SH3GL2: variants seen among roughly 807,000 people sequenced by gnomAD.
The protein encoded by SH3GL2 is SH3 domain containing GRB2 like 2, endophilin A1.
In SH3GL2, 24 loss-of-function variants were observed where a neutral mutation model predicts 46.0. That is an observed-to-expected ratio of 0.52 (90% confidence interval 0.38 to 0.73). The LOEUF is 0.73. SH3GL2 is among the 30% of genes least tolerant of loss of function. The pLI, the probability that SH3GL2 is intolerant of heterozygous loss-of-function variation, is 0.00. For synonymous variants in SH3GL2, 196 were observed against 147.1 expected (o/e 1.33, Z -2.40); for missense variants, 413 against 424.2 (o/e 0.97, Z 0.23).
intron 1 of SH3GL2, among the ~76,000 whole-genome samples, chr9:17,710,878 G>A (rs10756902): frequency 0.21 from 31,850 of 151,722 alleles, 4,128 homozygotes; most frequent in East Asian, 0.35. Context: ...CTGAAACTGG[G>A]TATTACTGAA....
chr9:17,662,190 T>C (rs1455155058), intron 1 of SH3GL2, among the ~76,000 whole-genome samples: 1 of 152,210 alleles, frequency 6.6e-6, no homozygotes, highest in African/African-American at 2.4e-5. Context: ...TTCTGTATCT[T>C]TGCTAATTTT....
chr9:17,619,876 C>T (rs568909528), intron 1 of SH3GL2, among the ~76,000 whole-genome samples: 1 of 152,092 alleles, frequency 6.6e-6, no homozygotes, highest in Non-Finnish European at 1.5e-5. Flanking sequence ...TTCATATATA[C>T]TGTGAAATGT....
chr9:17,662,078 G>A (rs1018999970), intron 1 of SH3GL2, among the ~76,000 whole-genome samples: 3 of 152,156 alleles, frequency 2.0e-5, no homozygotes, highest in Non-Finnish European at 4.4e-5. Flanking sequence ...CCAATACAAA[G>A]TGTATCTTGC....
At chr9:17,633,554 ATTTCTT>A in intron 1 of SH3GL2, among the ~76,000 whole-genome samples, 1 of 152,326 alleles carries the variant, frequency 6.6e-6, no homozygotes, top group African/African-American at 2.4e-5. Context: ...ATTAAAAGCC[ATTTCTT>A]TTTCTTTTTT....
intron 1 of SH3GL2, among the ~76,000 whole-genome samples, chr9:17,737,972 C>T (rs1822391324): frequency 6.6e-6 from 1 of 152,128 alleles, no homozygotes; most frequent in Non-Finnish European, 1.5e-5. Flanking sequence ...GGAAGCTTTT[C>T]CCAGCCTACT....
chr9:17,661,862 C>A (rs1045884393), intron 1 of SH3GL2, among the ~76,000 whole-genome samples: 5 of 152,092 alleles, frequency 3.3e-5, no homozygotes, highest in Non-Finnish European at 5.9e-5. Flanking sequence ...CTTAATGAGC[C>A]TCACTTTCAT....
At chr9:17,628,793 A>G (rs1819352258) in intron 1 of SH3GL2, among the ~76,000 whole-genome samples, 1 of 152,104 alleles carries the variant, frequency 6.6e-6, no homozygotes, top group African/African-American at 2.4e-5. Context: ...GCCCTTTTAT[A>G]GATCTTCAGT....
At chr9:17,760,200 A>C (rs866173029) in intron 2 of SH3GL2, among the ~76,000 whole-genome samples, 1 of 152,226 alleles carries the variant, frequency 6.6e-6, no homozygotes, top group Non-Finnish European at 1.5e-5. Context: ...GGCACATTTG[A>C]AATTGCATCC....
At chr9:17,728,801 G>T (rs550697733) in intron 1 of SH3GL2, among the ~76,000 whole-genome samples, 6 of 152,218 alleles carry the variant, frequency 3.9e-5, no homozygotes, top group African/African-American at 1.4e-4. Flanking sequence ...CAAAGGACAT[G>T]AACTCATTAT....
intron 3 of SH3GL2, among the ~76,000 whole-genome samples, chr9:17,766,291 C>A (rs1823316169): frequency 6.6e-6 from 1 of 152,210 alleles, no homozygotes; most frequent in Non-Finnish European, 1.5e-5. Context: ...GCTGTAAAGT[C>A]ATCCAAGCTT....
chr9:17,675,475 A>G (rs2117995496), intron 1 of SH3GL2, among the ~76,000 whole-genome samples: 1 of 152,342 alleles, frequency 6.6e-6, no homozygotes, highest in Admixed American at 6.5e-5. Flanking sequence ...TAATATCAGT[A>G]TCTGTCTGAA....
chr9:17,698,471 A>G (rs920533366), intron 1 of SH3GL2, among the ~76,000 whole-genome samples: 2 of 152,194 alleles, frequency 1.3e-5, no homozygotes, highest in Non-Finnish European at 2.9e-5. Context: ...AAATCCTTGG[A>G]AAGTATTTTT....
chr9:17,662,586 C>T (rs1401053551), intron 1 of SH3GL2, among the ~76,000 whole-genome samples: 1 of 152,020 alleles, frequency 6.6e-6, no homozygotes, highest in East Asian at 1.9e-4. Flanking sequence ...CTCTTTCAGT[C>T]AGATACAGAC....
intron 1 of SH3GL2, among the ~76,000 whole-genome samples, chr9:17,706,946 A>T (rs1380416080): frequency 6.6e-6 from 1 of 152,040 alleles, no homozygotes; most frequent in African/African-American, 2.4e-5. Context: ...GGCCAGAGAA[A>T]TGTAGCATTT....
chr9:17,651,004 G>A (rs996056519), intron 1 of SH3GL2, among the ~76,000 whole-genome samples: 4 of 151,956 alleles, frequency 2.6e-5, no homozygotes, highest in Non-Finnish European at 5.9e-5. Flanking sequence ...GTGTTTGCAC[G>A]TGTGCACACA....
At chr9:17,738,575 TAGAG>T (rs142654925) in intron 1 of SH3GL2, among the ~76,000 whole-genome samples, 5,967 of 105,712 alleles carry the variant, frequency 0.056, 393 homozygotes, top group Middle Eastern at 0.11. Context: ...CATATATATA[TAGAG>T]AGAGAGAGAG....
At chr9:17,742,229 A>T (rs1238167924) in intron 1 of SH3GL2, among the ~76,000 whole-genome samples, 1 of 152,166 alleles carries the variant, frequency 6.6e-6, no homozygotes. Context: ...ATGAAATGCA[A>T]TGCTGGGAAG....
intron 1 of SH3GL2, among the ~76,000 whole-genome samples, chr9:17,611,867 A>T (rs148018593): frequency 2.0e-5 from 3 of 151,750 alleles, no homozygotes; most frequent in Non-Finnish European, 4.4e-5. Flanking sequence ...GGTGCCCATT[A>T]TGGGAATCGT....
chr9:17,662,075 A>G (rs999459500), intron 1 of SH3GL2, among the ~76,000 whole-genome samples: 1 of 152,252 alleles, frequency 6.6e-6, no homozygotes, highest in Non-Finnish European at 1.5e-5. Flanking sequence ...TGTCCAATAC[A>G]AAGTGTATCT....
Sources: allele counts gnomAD v4.1 joint callset (sites outside exome capture counted in the v4.1 genomes callset), GRCh38; gene constraint gnomAD v4.1.1; transcripts MANE v1.5; gene names NCBI Gene and HGNC (gene_info 2026-07-23, HGNC 2026-07-21).